The following DNAH9 variants were observed in gnomAD, a reference collection of about 807,000 sequenced individuals.
DNAH9 encodes DNAH9 variant protein.
A neutral mutation model predicts 471.6 loss-of-function variants in DNAH9; 345 were observed. The ratio of observed to expected loss-of-function variants is 0.73; its 90% CI spans 0.67 to 0.80. DNAH9 has a LOEUF of 0.80. DNAH9 is among the 30% of genes least tolerant of loss of function. The probability of loss-of-function intolerance (pLI) is 0.00; values close to 1 mark genes in which losing one functional copy is unlikely to be tolerated. For synonymous variants in DNAH9, 2,093 were observed against 2,123.6 expected, an observed-to-expected ratio of 0.99 and a Z score of 0.40; for missense variants, 5,407 against 5,609.2, an observed-to-expected ratio of 0.96 and a Z score of 1.15.
intron 15 of DNAH9, among the ~76,000 whole-genome samples, chr17:11,667,169 G>A (rs17601333): frequency 0.067 from 10,230 of 152,112 alleles, 692 homozygotes; most frequent in Admixed American, 0.21. Context: ...TTTGAATTCC[G>A]TAAACTATAT....
chr17:11,853,987 C>T lies in DNAH9; in HGVS notation c.9508-16C>T. 1 of 1,610,802 alleles carries T rather than the reference C, an allele frequency of 6.2e-7. No homozygotes were observed. The highest frequency in any genetic ancestry group is 8.5e-7 in the Non-Finnish European group (1 of 1,177,874). On this transcript the variant is annotated splice_polypyrimidine_tract_variant and intron_variant, in intron 49 of 68. Transcript: ENST00000262442. ...CCCATTCATGTTCCCCTAACCACCT[C>T]CTTCTCTTTTCCCAGACCAACCTGA...
intron 50 of DNAH9, 60 bp downstream of exon 50, chr17:11,854,488 C>T: frequency 6.6e-7 from 1 of 1,517,242 alleles, no homozygotes. Flanking sequence ...CAACGCTCTT[C>T]AGACACCATC....
At chr17:11,884,090 T>C (rs1306620965) in intron 56 of DNAH9, among the ~76,000 whole-genome samples, 2 of 152,178 alleles carry the variant, frequency 1.3e-5, no homozygotes, top group African/African-American at 2.4e-5. Flanking sequence ...GGAATTGCCC[T>C]GAAGCTAAGG....
At chr17:11,811,289 G>C (rs1267388386) in intron 45 of DNAH9, among the ~76,000 whole-genome samples, 1 of 152,030 alleles carries the variant, frequency 6.6e-6, no homozygotes, top group African/African-American at 2.4e-5. Flanking sequence ...CTCCAGCCTG[G>C]GCGACAGAGC....
chr17:11,789,581 T>C (rs1968994027), intron 41 of DNAH9, among the ~76,000 whole-genome samples: 1 of 152,060 alleles, frequency 6.6e-6, no homozygotes, highest in African/African-American at 2.4e-5. Flanking sequence ...TCATCCTTGC[T>C]AGGGAGTTAG....
intron 48 of DNAH9, among the ~76,000 whole-genome samples, chr17:11,825,853 G>A (rs539841736): frequency 2.1e-4 from 32 of 152,300 alleles, no homozygotes; most frequent in Middle Eastern, 6.8e-3. Flanking sequence ...TCTATAATGA[G>A]GGAAGAGGTT....
Position 11,609,817 on chromosome 17 carries a change from G to C in DNAH9, c.615-579G>C, listed in dbSNP as rs183217916. 9.8e-5 allele frequency among the ~76,000 whole-genome samples: 15 copies of C among 152,348 alleles called. No homozygotes were observed. The East Asian group carries it at 2.5e-3, about 25-fold the overall frequency. ...AACAATGAGGACCAAGTGAAATCGT[G>C]ATGGTGATCTTCAGGTGGCTGATTA... On this transcript the variant is annotated intron_variant, in intron 2 of 68. Coordinates refer to ENST00000262442, the MANE Select transcript of DNAH9 (RefSeq NM_001372.4).
chr17:11,740,750 G>A (rs531381640), intron 29 of DNAH9, among the ~76,000 whole-genome samples: 2 of 152,240 alleles, frequency 1.3e-5, no homozygotes, highest in East Asian at 3.9e-4. Flanking sequence ...ATTGCTCAGG[G>A]TAGTAACCCT....
At position 11,699,851 on chromosome 17, in the gene DNAH9, GCTTT is replaced by G. The variant is rs1432439769; in HGVS notation, c.4995_4998del (p.Phe1666ValfsTer10). 1.7e-5 allele frequency: 27 copies of G among 1,614,052 alleles called. No individual in the cohort carries two copies. The highest frequency in any genetic ancestry group is 2.2e-5 in the Non-Finnish European group (26 of 1,180,020). ...GTACAGCAAAGAAGAGGAGTATGTG[GCTTT>G]CAGTGAGCCCTGTGACTGCAGCGGG... On this transcript the variant is annotated frameshift_variant, in exon 23 of 69. Coordinates refer to ENST00000262442, the MANE Select transcript of DNAH9 (RefSeq NM_001372.4). LOFTEE classifies it high-confidence loss of function.
intron 49 of DNAH9, among the ~76,000 whole-genome samples, chr17:11,840,659 CAG>C (rs771611288): frequency 9.2e-5 from 14 of 152,162 alleles, no homozygotes; most frequent in Non-Finnish European, 1.5e-4. Flanking sequence ...GATCTTGAGA[CAG>C]GGGGATTATC....
chr17:11,685,631 A>G (rs1176703976), intron 19 of DNAH9, among the ~76,000 whole-genome samples: 1 of 152,040 alleles, frequency 6.6e-6, no homozygotes, highest in African/African-American at 2.4e-5. Context: ...ATTTAGGAGA[A>G]TATCTGCAGG....
chr17:11,653,044 G>A, intron 14 of DNAH9, 42 bp downstream of exon 14: 1 of 1,599,610 alleles, frequency 6.3e-7, no homozygotes, highest in Admixed American at 1.7e-5. Flanking sequence ...ACGAGTTTAG[G>A]GAAAGCATCA....
At chr17:11,817,780 A>G (rs1970152842) in intron 45 of DNAH9, among the ~76,000 whole-genome samples, 1 of 152,256 alleles carries the variant, frequency 6.6e-6, no homozygotes, top group African/African-American at 2.4e-5. Flanking sequence ...AAATTATAGT[A>G]CAGGAATTTT....
chr17:11,720,199 C>T (rs1160093585), intron 27 of DNAH9, among the ~76,000 whole-genome samples: 1 of 151,340 alleles, frequency 6.6e-6, no homozygotes, highest in African/African-American at 2.4e-5. Flanking sequence ...TATATAGCTT[C>T]TTTTTTTCTT....
intron 41 of DNAH9, among the ~76,000 whole-genome samples, chr17:11,785,167 T>G (rs1304696197): frequency 6.6e-6 from 1 of 152,084 alleles, no homozygotes; most frequent in Non-Finnish European, 1.5e-5. Context: ...CAGAGGGCCA[T>G]CTAGCAAACC....
rs905803307 is a variant in DNAH9 at position 11,669,743 on chromosome 17, A to T, written c.3302A>T (p.Lys1101Met). Residue 1101 changes from lysine to methionine, a missense_variant, in exon 17 of 69, where the codon AAG becomes ATG. Physicochemically the swap from Lys to Met is moderately conservative, Grantham distance 95 (BLOSUM62 -1). Around this residue, in one of 3 missense-constraint regions of DNAH9, gnomAD observed 4,636 missense variants for 4,900.3 expected, o/e 0.95. Transcript: ENST00000262442. Reference protein sequence around the residue: ...PFKASLLNIIKRWSLLFKQHL... With the variant: ...PFKASLLNIIMRWSLLFKQHL... ...AAGGCATCTCTGCTGAATATTATTA[A>T]GAGGTGGAGCCTCCTGTTCAAACAG... The T allele has an allele frequency of 5.6e-6, 9 of 1,614,194 alleles. No homozygotes were observed. Among genetic ancestry groups the T allele is most frequent in the Non-Finnish European group, 6.8e-6 (8 of 1,180,030 alleles).
In DNAH9 at chr17:11,694,765, C is replaced by T. The variant is rs369528494; in HGVS notation, c.4872+318C>T. On this transcript the variant is annotated intron_variant, in intron 22 of 68. Coordinates refer to ENST00000262442, the MANE Select transcript of DNAH9 (RefSeq NM_001372.4). ...CTTTCTTTCTTTCCTTCCTTCCTTC[C>T]TTCCTTCCTTCCTTCTTTCTTTCTT... Among the ~76,000 whole-genome samples, 28 of 2,882 alleles carry T rather than the reference C, an allele frequency of 9.7e-3. 5 individuals carry two copies. Among genetic ancestry groups the T allele is most frequent in the Non-Finnish European group, 0.014 (10 of 694 alleles). 1.9% of individuals were successfully genotyped at this position (2,882 alleles called of 152,430 possible).
chr17:11,617,372 C>T, intron 4 of DNAH9, 39 bp from the exon 5 acceptor site: 1 of 1,481,434 alleles, frequency 6.8e-7, no homozygotes, highest in Non-Finnish European at 9.4e-7. Flanking sequence ...GGGTATTAGG[C>T]TCCAGATGGG....
intron 21 of DNAH9, 40 bp from the exon 22 acceptor site, chr17:11,694,281 G>A (rs1008354135): frequency 1.9e-6 from 3 of 1,611,040 alleles, no homozygotes; most frequent in East Asian, 2.2e-5. Flanking sequence ...CATGGGTCTA[G>A]ACATTCTTAA....
Sources: gnomAD v4.1 joint callset for allele counts (sites outside exome capture counted in the v4.1 genomes callset) on GRCh38, gnomAD v4.1.1 for gene constraint, gnomAD v4.1.1 regional missense constraint, MANE v1.5 for transcripts, NCBI Gene and HGNC (gene_info 2026-07-23, HGNC 2026-07-21) for gene names.